Variants in UPF2 observed in about 807,000 individuals in gnomAD.
UPF2 encodes the protein regulator of nonsense transcripts 2.
In UPF2, 17 loss-of-function variants were observed where a neutral mutation model predicts 141.4. That is an observed-to-expected ratio of 0.12 (90% CI 0.08 to 0.18). UPF2 has a LOEUF of 0.18. UPF2 is among the 10% of genes least tolerant of loss of function. UPF2 has a pLI of 1.00. For synonymous variants in UPF2, 540 were observed against 498.0 expected, an observed-to-expected ratio of 1.08 and a Z score of -1.12; for missense variants, 1,152 against 1,515.9, an observed-to-expected ratio of 0.76 and a Z score of 3.99.
chr10:11,980,715 A>G lies in UPF2; in HGVS notation c.1845-1550T>C, dbSNP rs1221347526. Among the ~76,000 whole-genome samples the G allele has an allele frequency of 6.6e-6, 1 of 152,174 alleles. No individual in the cohort carries two copies. Among genetic ancestry groups the G allele is most frequent in the Non-Finnish European group, 1.5e-5 (1 of 68,024 alleles). ...ACCATTGCAATCCAGCCTGGGCAAC[A>G]AGAGCGAAACTCCATCTCAAAAAAA... On this transcript the variant is annotated intron_variant, in intron 8 of 21. Coordinates refer to ENST00000357604, the MANE Select transcript of UPF2 (RefSeq NM_015542.4). This position sits in a 1 kb window ranked among gnomAD's most constrained non-coding sequence, Gnocchi z 4.2.
At chr10:11,985,884 C>CTTTTTTTTTTTTTTTTTTTTTTTT (rs746117868) in intron 8 of UPF2, among the ~76,000 whole-genome samples, 2 of 100,752 alleles carry the variant, frequency 2.0e-5, no homozygotes, top group Admixed American at 1.4e-4. Context: ...TAGATCCTTC[C>CTTTTTTTTTTTTTTTTTTTTTTTT]TTTTTTTTTT....
chr10:11,944,309 C>T (rs998068896), intron 16 of UPF2, among the ~76,000 whole-genome samples: 1 of 152,160 alleles, frequency 6.6e-6, no homozygotes, highest in African/African-American at 2.4e-5. Context: ...GCCTGGCCAA[C>T]ATGGCGAAAC....
At chr10:12,012,378 A>G (rs1220463815) in intron 4 of UPF2, among the ~76,000 whole-genome samples, 4 of 152,174 alleles carry the variant, frequency 2.6e-5, no homozygotes, top group East Asian at 1.9e-4. Flanking sequence ...TAAATATTAT[A>G]AAGAGATTTT....
chr10:11,938,862 T>TG lies in UPF2; in HGVS notation c.3379-2151_3379-2150insC, dbSNP rs1383294354. 1.4e-3 allele frequency among the ~76,000 whole-genome samples: 108 copies of TG among 79,840 alleles called. 1 individual carries two copies. In the South Asian group the frequency reaches 0.02, roughly 15 times the overall value. 52.4% of individuals were successfully genotyped at this position (79,840 alleles called of 152,430 possible). On this transcript the variant is annotated intron_variant, in intron 18 of 21. Transcript: ENST00000357604. ...AGCAAGTTTTTTTTTTGTTTTTTTT[T>TG]TTTTTTTTTTTTTTTTTTTTGGAGA...
intron 3 of UPF2, chr10:12,026,799 C>T (rs1237518531): frequency 2.6e-6 from 1 of 383,178 alleles, no homozygotes; most frequent in African/African-American, 2.1e-5. Context: ...ATTACCGGGG[C>T]CTGCCACCAT....
chr10:12,028,973 G>C lies in UPF2; in HGVS notation c.917C>G (p.Ser306Cys). 6.2e-7 allele frequency: 1 copy of C among 1,614,166 alleles called. No homozygotes were observed. The highest frequency in any genetic ancestry group is 8.5e-7 in the Non-Finnish European group (1 of 1,180,036). The change falls in exon 3 of 22, where the codon TCT becomes TGT. Residue 306 changes from serine (S) to cysteine (C), a missense_variant. Coordinates refer to ENST00000357604, the MANE Select transcript of UPF2 (RefSeq NM_015542.4). ...NADRESHTHV[S>C]VVISFCRHCG... ...ATGTCGACAGAAACTAATCACTACA[G>C]AGACATGAGTGTGGGACTCCCGATC... is the stretch of plus-strand genomic sequence containing the variant.
intron 8 of UPF2, 56 bp downstream of exon 8, chr10:11,997,616 T>C: frequency 1.3e-6 from 2 of 1,490,000 alleles, no homozygotes; most frequent in Admixed American, 1.8e-5. Context: ...ATTTTGATCT[T>C]ACAGCCAGCA....
At chr10:12,027,178 G>A (rs575369989) in intron 3 of UPF2, among the ~76,000 whole-genome samples, 39 of 152,184 alleles carry the variant, frequency 2.6e-4, no homozygotes, top group African/African-American at 8.9e-4. Flanking sequence ...CAATGGCACC[G>A]AGAGAACTGA....
Position 11,956,923 on chromosome 10 carries a change from C to G in UPF2, c.2371-400G>C, listed in dbSNP as rs1488794565. 6.6e-6 allele frequency among the ~76,000 whole-genome samples: 1 copy of G among 152,150 alleles called. No individual in the cohort carries two copies. Among genetic ancestry groups the G allele is most frequent in the Non-Finnish European group, 1.5e-5 (1 of 68,024 alleles). On this transcript the variant is annotated intron_variant, in intron 12 of 21. Transcript: ENST00000357604. The surrounding 1 kb of genome is among the most constrained non-coding windows in gnomAD (Gnocchi z 4.2). ...GCAACCTCCTCCTCCATGGCTCAAG[C>G]AATCCTCCCACCTCAGTCCCCCAAA...
chr10:12,018,120 A>C (rs1441454509), intron 3 of UPF2, among the ~76,000 whole-genome samples: 1 of 152,238 alleles, frequency 6.6e-6, no homozygotes, highest in Non-Finnish European at 1.5e-5. Context: ...GACAAAGCAG[A>C]GAAATAACTC....
chr10:11,937,433 A>G (rs1220174147), intron 18 of UPF2, among the ~76,000 whole-genome samples: 2 of 152,220 alleles, frequency 1.3e-5, no homozygotes, highest in East Asian at 3.9e-4. Context: ...GACTACCTGT[A>G]CCTGGCTGAG....
At position 11,955,472 on chromosome 10, in the gene UPF2, G is replaced by A. The variant is rs1312007269; in HGVS notation, c.2610C>T (p.Ser870=). 1 of 1,613,086 alleles carries A rather than the reference G, an allele frequency of 6.2e-7. No individual in the cohort carries two copies. The highest frequency in any genetic ancestry group is 8.5e-7 in the Non-Finnish European group (1 of 1,179,742). ...NQPKFNQRRI[S]SAKFLGELYN... ...AAAGTTCTCCTAAGAACTTGGCACT[G>A]CTGATGCGCCTCTGATTAAATTTAG... The change falls in exon 14 of 22, where the codon AGC becomes AGT. Residue 870 remains serine (S), a synonymous_variant. Transcript: ENST00000357604.
chr10:12,017,916 C>CTTTTG (rs997699498), intron 3 of UPF2, among the ~76,000 whole-genome samples: 11 of 152,028 alleles, frequency 7.2e-5, no homozygotes, highest in Non-Finnish European at 1.3e-4. Flanking sequence ...CAGATTTTTT[C>CTTTTG]TTTTGTTTTG....
intron 21 of UPF2, among the ~76,000 whole-genome samples, chr10:11,922,236 G>A (rs1325802423): frequency 6.6e-6 from 1 of 152,196 alleles, no homozygotes; most frequent in Non-Finnish European, 1.5e-5. Context: ...CCAGTGCTGC[G>A]AGACAACAGA....
rs774563423 is a variant in UPF2, at chr10:11,964,078, G to C, written c.2115C>G (p.Thr705=). Residue 705 remains threonine (T), a synonymous_variant, in exon 11 of 22, where the codon ACC becomes ACG. Coordinates refer to ENST00000357604, the MANE Select transcript of UPF2 (RefSeq NM_015542.4). ...GAAACCGTCCACATGTCTCCAGCAG[G>C]GTGCATGCCATTTCAATATGGTGAT... is the stretch of plus-strand genomic sequence containing the variant. The part of the protein sequence containing the change: ...FSHHHIEMAC[T]LLETCGRFLF... The C allele has an allele frequency of 2.5e-6, 4 of 1,613,804 alleles. No individual in the cohort carries two copies. The East Asian group carries it at 8.9e-5, about 36-fold the overall frequency.
chr10:11,996,911 T>C (rs11257468), intron 8 of UPF2, among the ~76,000 whole-genome samples: 33,507 of 152,176 alleles, frequency 0.22, 3,750 homozygotes, highest in South Asian at 0.32. Context: ...GAAACCTTCA[T>C]TGAAATCCCT....
Position 11,935,576 on chromosome 10 carries a change from T to C in UPF2, c.3546+969A>G, listed in dbSNP as rs1044667645. 6.6e-6 allele frequency among the ~76,000 whole-genome samples: 1 copy of C among 152,232 alleles called. No homozygotes were observed. The highest frequency in any genetic ancestry group is 6.5e-5 in the Admixed American group (1 of 15,280). The stretch of plus-strand genomic sequence containing the variant: ...CAACTTGATCTCAGAAATGTTAAGA[T>C]GTAAACAAATTTTTACAGAATTGAC... On this transcript the variant is annotated intron_variant, in intron 19 of 21. Coordinates refer to ENST00000357604, the MANE Select transcript of UPF2 (RefSeq NM_015542.4). The surrounding 1 kb of genome is among the most constrained non-coding windows in gnomAD (Gnocchi z 4.9).
At chr10:12,010,599 T>A (rs1248240150) in intron 4 of UPF2, among the ~76,000 whole-genome samples, 1 of 152,124 alleles carries the variant, frequency 6.6e-6, no homozygotes, top group Non-Finnish European at 1.5e-5. Context: ...GTGGGACAAC[T>A]GAACAACCTA....
chr10:11,991,109 T>C (rs1054003596), intron 8 of UPF2, among the ~76,000 whole-genome samples: 7 of 151,796 alleles, frequency 4.6e-5, no homozygotes, highest in African/African-American at 1.7e-4. Context: ...TTTTTTTAAA[T>C]TAAAAAAATA....
Sources: allele counts gnomAD v4.1 joint callset (sites outside exome capture counted in the v4.1 genomes callset), GRCh38; gene constraint gnomAD v4.1.1; non-coding constraint Gnocchi (gnomAD v3.1); transcripts MANE v1.5; gene names NCBI Gene and HGNC (gene_info 2026-07-23, HGNC 2026-07-21).